OSBPL1A: variants seen among roughly 807,000 people sequenced by gnomAD.
The protein encoded by OSBPL1A is oxysterol binding protein like 1A, also known as oxysterol-binding protein-related protein 1.
OSBPL1A carries 80 observed loss-of-function variants against 137.1 expected under a neutral mutation model. That is an observed-to-expected ratio of 0.58 (90% CI 0.49 to 0.70). The LOEUF is 0.70. Ranked by LOEUF, OSBPL1A falls within the 30% of genes least tolerant of loss-of-function variation. The pLI is 0.00. For synonymous variants in OSBPL1A, 365 were observed against 389.7 expected, an observed-to-expected ratio of 0.94 and a Z score of 0.75; for missense variants, 970 against 1,129.4, an observed-to-expected ratio of 0.86 and a Z score of 2.02.
chr18:24,323,285 G>C (rs2090900703), intron 7 of OSBPL1A, among the ~76,000 whole-genome samples: 1 of 151,978 alleles, frequency 6.6e-6, no homozygotes, highest in South Asian at 2.1e-4. Flanking sequence ...GGGCACCATG[G>C]CTCATGCCTG....
At chr18:24,212,327 G>A (rs2087568744) in intron 17 of OSBPL1A, among the ~76,000 whole-genome samples, 2 of 151,862 alleles carry the variant, frequency 1.3e-5, no homozygotes, top group Non-Finnish European at 2.9e-5. Flanking sequence ...CAAAGAGCTG[G>A]GATTACGGGT....
At chr18:24,194,979 A>G (rs1027257358) in intron 18 of OSBPL1A, among the ~76,000 whole-genome samples, 16 of 152,194 alleles carry the variant, frequency 1.1e-4, no homozygotes, top group African/African-American at 3.9e-4. Context: ...AGATTTCATT[A>G]TCCACTCAGA....
chr18:24,311,118 G>C lies in OSBPL1A; in HGVS notation c.1092+866C>G, dbSNP rs764374115. ...TCTTTAATGTTCCATCATAAATTAA[G>C]ATTAGGGATTGAAAGAGTCAAAATA... On this transcript the variant is annotated intron_variant, in intron 13 of 27. Transcript: ENST00000319481. Among the ~76,000 whole-genome samples the C allele has an allele frequency of 3.4e-4, 51 of 148,922 alleles. 1 individual carries two copies. Among genetic ancestry groups the C allele is most frequent in the Non-Finnish European group, 4.5e-5 (3 of 66,908 alleles).
intron 4 of OSBPL1A, among the ~76,000 whole-genome samples, chr18:24,365,355 T>A (rs1387768847): frequency 6.6e-6 from 1 of 151,850 alleles, no homozygotes; most frequent in Non-Finnish European, 1.5e-5. Flanking sequence ...GAGGCTGAGG[T>A]GGGTGGATCC....
At chr18:24,179,616 C>A (rs2086544986) in intron 20 of OSBPL1A, 122 bp downstream of exon 20, 9 of 764,788 alleles carry the variant, frequency 1.2e-5, no homozygotes, top group Non-Finnish European at 1.5e-5. Flanking sequence ...ATCCTAGAAA[C>A]AAACATCAAA....
At chr18:24,240,131 C>A (rs774393010) in intron 15 of OSBPL1A, among the ~76,000 whole-genome samples, 4 of 152,034 alleles carry the variant, frequency 2.6e-5, no homozygotes, top group Admixed American at 1.3e-4. Flanking sequence ...ACCATGTTGG[C>A]CAGGCTGGTC....
chr18:24,267,394 A>T (rs1273317542), intron 15 of OSBPL1A, among the ~76,000 whole-genome samples: 1 of 152,134 alleles, frequency 6.6e-6, no homozygotes, highest in African/African-American at 2.4e-5. Flanking sequence ...TATACAAAAC[A>T]GCAAAGGAGG....
chr18:24,368,504 T>C (rs1315618125), intron 2 of OSBPL1A, 132 bp from the exon 3 acceptor site: 1 of 673,176 alleles, frequency 1.5e-6, no homozygotes, highest in Non-Finnish European at 2.6e-6. Context: ...AGGCAAGATA[T>C]GTGACCAAGA....
intron 17 of OSBPL1A, among the ~76,000 whole-genome samples, chr18:24,214,264 A>G (rs2087629891): frequency 6.6e-6 from 1 of 152,254 alleles, no homozygotes; most frequent in Admixed American, 6.5e-5. Context: ...GGTCTGAACA[A>G]CAGAGAGATT....
At chr18:24,384,599 G>A (rs1488556823) in intron 1 of OSBPL1A, among the ~76,000 whole-genome samples, 2 of 148,224 alleles carry the variant, frequency 1.3e-5, no homozygotes, top group Non-Finnish European at 1.5e-5. Flanking sequence ...CCGGGGGCGG[G>A]TGGCTCATGC....
intron 14 of OSBPL1A, among the ~76,000 whole-genome samples, chr18:24,299,967 T>C (rs1196662465): frequency 6.6e-6 from 1 of 152,152 alleles, no homozygotes; most frequent in Non-Finnish European, 1.5e-5. Flanking sequence ...TAGACAAAAA[T>C]TGGATACACA....
At chr18:24,359,765 T>C (rs552937529) in intron 4 of OSBPL1A, among the ~76,000 whole-genome samples, 1 of 152,298 alleles carries the variant, frequency 6.6e-6, no homozygotes, top group East Asian at 1.9e-4. Context: ...TCATTATACA[T>C]ACCATATTCC....
chr18:24,269,449 G>A (rs536863510), intron 15 of OSBPL1A, among the ~76,000 whole-genome samples: 70 of 152,102 alleles, frequency 4.6e-4, no homozygotes, highest in African/African-American at 1.6e-3. Flanking sequence ...GTCACCTGAC[G>A]CCGGTATAAG....
intron 16 of OSBPL1A, among the ~76,000 whole-genome samples, chr18:24,227,355 G>A (rs1325654055): frequency 3.3e-5 from 5 of 152,126 alleles, no homozygotes; most frequent in South Asian, 2.1e-4. Flanking sequence ...TTAACATTAT[G>A]TTTACAAGAA....
intron 17 of OSBPL1A, among the ~76,000 whole-genome samples, chr18:24,217,179 T>A (rs924262310): frequency 2.0e-5 from 3 of 151,958 alleles, no homozygotes; most frequent in Non-Finnish European, 2.9e-5. Flanking sequence ...CTTTGTAGGA[T>A]GCTAGGGAAC....
chr18:24,240,688 A>G (rs533554022), intron 15 of OSBPL1A, among the ~76,000 whole-genome samples: 22 of 152,358 alleles, frequency 1.4e-4, no homozygotes, highest in African/African-American at 5.3e-4. Flanking sequence ...GAAGTCTTCA[A>G]CATAGTGGTC....
chr18:24,321,668 T>A (rs759098632), intron 7 of OSBPL1A: 2 of 521,970 alleles, frequency 3.8e-6, no homozygotes, highest in Admixed American at 2.0e-5. Context: ...TATGTATGAA[T>A]AAAATGGCAT....
At chr18:24,262,838 G>A (rs1299444502) in intron 15 of OSBPL1A, among the ~76,000 whole-genome samples, 2 of 149,390 alleles carry the variant, frequency 1.3e-5, no homozygotes, top group Non-Finnish European at 3.0e-5. Context: ...CCATGGTTTA[G>A]GTTTGTCTGT....
At chr18:24,386,028 T>G (rs1906941984) in intron 1 of OSBPL1A, among the ~76,000 whole-genome samples, 1 of 151,742 alleles carries the variant, frequency 6.6e-6, no homozygotes, top group Admixed American at 6.6e-5. Context: ...ATGATGAGGA[T>G]GGTTAAGGGG....
Sources: allele counts gnomAD v4.1 joint callset (sites outside exome capture counted in the v4.1 genomes callset), GRCh38; gene constraint gnomAD v4.1.1; transcripts MANE v1.5; gene names NCBI Gene and HGNC (gene_info 2026-07-23, HGNC 2026-07-21).